ZNF280D: variants seen among roughly 807,000 people sequenced by gnomAD.
ZNF280D encodes suppressor of hairy wing homolog 4.
In ZNF280D, 39 loss-of-function variants were observed where a neutral mutation model predicts 94.7. That is an observed-to-expected ratio of 0.41 (90% CI 0.32 to 0.54). The LOEUF is 0.54. ZNF280D is among the 20% of genes least tolerant of loss of function. The pLI, the probability that ZNF280D is intolerant of heterozygous loss-of-function variation, is 0.22. For missense variants in ZNF280D, 1,090 were observed against 1,149.3 expected, an observed-to-expected ratio of 0.95 and a Z score of 0.75; for synonymous variants, 398 against 377.6, an observed-to-expected ratio of 1.05 and a Z score of -0.63.
intron 3 of ZNF280D, among the ~76,000 whole-genome samples, chr15:56,704,579 A>C (rs2057286700): frequency 6.6e-6 from 1 of 152,234 alleles, no homozygotes; most frequent in Non-Finnish European, 1.5e-5. Context: ...TCTCTACAAA[A>C]AGGATTATAC....
chr15:56,705,426 G>A (rs1238434523), intron 3 of ZNF280D, among the ~76,000 whole-genome samples: 1 of 152,160 alleles, frequency 6.6e-6, no homozygotes, highest in Non-Finnish European at 1.5e-5. Context: ...GGAGCAAAGA[G>A]AGCAGAGAGC....
At position 56,666,492 on chromosome 15, in the gene ZNF280D, T is replaced by C; in HGVS notation, c.1897A>G (p.Ile633Val). ...GGAAAGTGGTTTGCAAAATCTTTTA[T>C]TTCGGAACAACACTCAATGCATTTG... is the stretch of plus-strand genomic sequence containing the variant. ...IHKCIECCSE[I>V]KDFANHFPTY... Residue 633 changes from isoleucine (I) to valine (V), a missense_variant, in exon 16 of 22, where the codon ATA (isoleucine) becomes GTA (valine). Ile to Val is a conservative substitution (Grantham distance 29, BLOSUM62 3). Coordinates refer to ENST00000267807, the MANE Select transcript of ZNF280D (RefSeq NM_017661.4). 6.2e-7 allele frequency: 1 copy of C among 1,603,024 alleles called. No homozygotes were observed. Among genetic ancestry groups the C allele is most frequent in the Non-Finnish European group, 8.5e-7 (1 of 1,177,094 alleles).
chr15:56,729,839 A>G (rs1426021682), intron 1 of ZNF280D: 1 of 152,248 alleles, frequency 6.6e-6, no homozygotes, highest in Admixed American at 6.5e-5. Context: ...CTCAAAAAGA[A>G]AAAAATGTGT....
At chr15:56,636,039 C>T (rs773389840) in intron 20 of ZNF280D, among the ~76,000 whole-genome samples, 3 of 152,038 alleles carry the variant, frequency 2.0e-5, no homozygotes, top group Admixed American at 6.6e-5. Flanking sequence ...TATGGTAGAT[C>T]GACTCAAGCC....
At chr15:56,667,905 A>C (rs2054403901) in intron 14 of ZNF280D, 1 of 186,996 alleles carries the variant, frequency 5.3e-6, no homozygotes, top group Non-Finnish European at 1.1e-5. Flanking sequence ...TGAAAGTCTA[A>C]TTCTAAGGTG....
intron 6 of ZNF280D, among the ~76,000 whole-genome samples, chr15:56,695,490 T>G (rs1377186760): frequency 1.3e-5 from 2 of 151,846 alleles, no homozygotes; most frequent in African/African-American, 2.4e-5. Flanking sequence ...TGTCTAACAA[T>G]GGAGAAATGA....
At chr15:56,642,215 G>T (rs1310392307) in intron 20 of ZNF280D, among the ~76,000 whole-genome samples, 1 of 151,716 alleles carries the variant, frequency 6.6e-6, no homozygotes, top group Non-Finnish European at 1.5e-5. Flanking sequence ...ATTTGTAGTT[G>T]AAAAACTTTT....
At chr15:56,711,803 G>C (rs1426151331) in intron 1 of ZNF280D, among the ~76,000 whole-genome samples, 2 of 152,200 alleles carry the variant, frequency 1.3e-5, no homozygotes, top group Non-Finnish European at 2.9e-5. Context: ...TGTATCATTA[G>C]ATGATTTTGT....
chr15:56,644,645 A>G (rs149075052), intron 19 of ZNF280D, among the ~76,000 whole-genome samples: 2 of 152,284 alleles, frequency 1.3e-5, no homozygotes, highest in African/African-American at 2.4e-5. Flanking sequence ...TATAAAAGAA[A>G]TATCACCATG....
chr15:56,642,377 A>C (rs2052671465), intron 20 of ZNF280D, among the ~76,000 whole-genome samples: 1 of 151,768 alleles, frequency 6.6e-6, no homozygotes, highest in Admixed American at 6.6e-5. Flanking sequence ...ACTCAAAAAG[A>C]GGCAAACAAT....
At position 56,631,784 on chromosome 15, in the gene ZNF280D, C is replaced by G. The variant is rs184815636; in HGVS notation, c.2654G>C (p.Arg885Pro). The G allele has an allele frequency of 6.8e-6, 11 of 1,613,992 alleles. No homozygotes were observed. The highest frequency in any genetic ancestry group is 8.5e-6 in the Non-Finnish European group (10 of 1,180,018). The change falls in exon 22 of 22, where the codon CGA becomes CCA. Residue 885 changes from arginine (R) to proline (P), a missense_variant. By Grantham distance (103) the Arg-to-Pro change is moderately radical. Coordinates refer to ENST00000267807, the MANE Select transcript of ZNF280D (RefSeq NM_017661.4). ...RFSSKNIKDL[R>P]LASDNVSIDQ... ...AATGCTTACATTATCTGATGCTAAT[C>G]GCAAATCCTTAATATTCTTTGAAGA... is the stretch of plus-strand genomic sequence containing the variant.
chr15:56,698,692 C>G (rs1341549739), intron 6 of ZNF280D: 1 of 152,164 alleles, frequency 6.6e-6, no homozygotes, highest in Admixed American at 6.5e-5. Context: ...TTTTTGTGTA[C>G]GTGATTATGT....
intron 1 of ZNF280D, among the ~76,000 whole-genome samples, chr15:56,708,064 A>G (rs1304667092): frequency 6.6e-6 from 1 of 152,160 alleles, no homozygotes; most frequent in Non-Finnish European, 1.5e-5. Context: ...CTGAGTTATA[A>G]AGCAAAAAAC....
At chr15:56,647,772 C>CCA (rs2052979679) in intron 19 of ZNF280D, among the ~76,000 whole-genome samples, 1 of 152,120 alleles carries the variant, frequency 6.6e-6, no homozygotes, top group South Asian at 2.1e-4. Context: ...CCCAAGTGAC[C>CCA]CACCTGTCTT....
chr15:56,648,493 G>C (rs558014000), intron 19 of ZNF280D, among the ~76,000 whole-genome samples: 2 of 151,708 alleles, frequency 1.3e-5, no homozygotes, highest in South Asian at 2.1e-4. Flanking sequence ...TGTACACCTG[G>C]AACTACAAGC....
In ZNF280D at chr15:56,666,732, T is replaced by C. The variant is rs369198803; in HGVS notation, c.1800A>G (p.Thr600=). The C allele has an allele frequency of 4.4e-5, 71 of 1,613,194 alleles. No homozygotes were observed. Among genetic ancestry groups the C allele is most frequent in the Non-Finnish European group, 5.9e-5 (70 of 1,179,772 alleles). ...KISNMQKKQS[T]LASSNKKSKV... is the part of the protein sequence containing the mutation. ...TACTTTTTTTATTGCTACTAGCCAA[T>C]GTGCTTTGTTTCTTTTGCATATTAG... The change falls in exon 15 of 22, where the codon ACA becomes ACG. Residue 600 remains threonine (T), a synonymous_variant. Transcript: ENST00000267807.
At chr15:56,663,831 T>A (rs1267409192) in intron 16 of ZNF280D, among the ~76,000 whole-genome samples, 1 of 151,990 alleles carries the variant, frequency 6.6e-6, no homozygotes, top group Admixed American at 6.6e-5. Flanking sequence ...GCCTAGGAGT[T>A]TGAGGTTGCA....
chr15:56,653,539 AG>A (rs2053338316), intron 19 of ZNF280D: 9 of 1,522,410 alleles, frequency 5.9e-6, no homozygotes, highest in African/African-American at 1.4e-5. Context: ...TGTCCATCGA[AG>A]GGGGACACTG....
At chr15:56,636,034 T>C (rs905149272) in intron 20 of ZNF280D, among the ~76,000 whole-genome samples, 3 of 152,174 alleles carry the variant, frequency 2.0e-5, no homozygotes, top group Non-Finnish European at 4.4e-5. Context: ...ACCACTATGG[T>C]AGATCGACTC....
Sources: allele counts gnomAD v4.1 joint callset (sites outside exome capture counted in the v4.1 genomes callset), GRCh38; gene constraint gnomAD v4.1.1; transcripts MANE v1.5; gene names NCBI Gene and HGNC (gene_info 2026-07-23, HGNC 2026-07-21).